The following RAD51B variants were observed in gnomAD, a reference collection of about 807,000 sequenced individuals.
RAD51B encodes the protein DNA repair protein RAD51 homolog 2.
RAD51B carries 38 observed loss-of-function variants against 42.2 expected under a neutral mutation model. The ratio of observed to expected loss-of-function variants is 0.90; its 90% CI spans 0.70 to 1.18. The LOEUF (loss-of-function observed/expected upper bound fraction) is 1.18, where lower values mean the gene tolerates loss of function less well. RAD51B is among the 50% of genes most tolerant of loss of function. The pLI, the probability that RAD51B is intolerant of heterozygous loss-of-function variation, is 0.00. For synonymous variants in RAD51B, 154 were observed against 145.2 expected, an observed-to-expected ratio of 1.06 and a Z score of -0.43; for missense variants, 373 against 400.7, an observed-to-expected ratio of 0.93 and a Z score of 0.59.
At chr14:68,182,260 T>C (rs555004375) in intron 7 of RAD51B, among the ~76,000 whole-genome samples, 1 of 152,374 alleles carries the variant, frequency 6.6e-6, no homozygotes, top group African/African-American at 2.4e-5. Flanking sequence ...TGTGATTTAC[T>C]TTTTCCAATT....
intron 4 of RAD51B, among the ~76,000 whole-genome samples, chr14:67,854,155 G>A (rs1223790147): frequency 6.6e-6 from 1 of 152,190 alleles, no homozygotes; most frequent in Admixed American, 6.5e-5. Flanking sequence ...ACCCTCCAAT[G>A]AAGTTTTTCT....
chr14:67,936,987 A>G (rs774772415), intron 7 of RAD51B, among the ~76,000 whole-genome samples: 4 of 152,108 alleles, frequency 2.6e-5, no homozygotes, highest in Non-Finnish European at 5.9e-5. Context: ...CCCTTAATAG[A>G]TATTTGATTT....
At chr14:68,676,622 C>A (rs1272012340) in intron 11 of RAD51B, among the ~76,000 whole-genome samples, 1 of 152,192 alleles carries the variant, frequency 6.6e-6, no homozygotes, top group Non-Finnish European at 1.5e-5. Flanking sequence ...TGGGGCAGAG[C>A]CAACGTTCAG....
chr14:68,332,748 G>A (rs200429343), intron 8 of RAD51B, among the ~76,000 whole-genome samples: 1 of 77,120 alleles, frequency 1.3e-5, no homozygotes, highest in African/African-American at 3.9e-5. Context: ...AGTGCAGAGA[G>A]AGAAATAAAT....
At position 67,825,546 on chromosome 14, in the gene RAD51B, T is replaced by A; in HGVS notation, c.167T>A (p.Val56Asp). Reference protein sequence around the residue: ...YRGVHELLCMVSRACAPKMQT... With the variant: ...YRGVHELLCMDSRACAPKMQT... ...GGTGTCCATGAACTTCTATGTATGG[T>A]CAGCAGGGCCTGTGCCCCAAAGATG... Residue 56 changes from valine to aspartate, a missense_variant, in exon 3 of 11, where the codon GTC (valine) becomes GAC (aspartate). Physicochemically the swap from Val to Asp is radical, Grantham distance 152. Coordinates refer to ENST00000471583, the MANE Select transcript of RAD51B (RefSeq NM_133510.4). The A allele has an allele frequency of 1.2e-6, 2 of 1,612,890 alleles. No individual in the cohort carries two copies. The highest frequency in any genetic ancestry group is 1.7e-6 in the Non-Finnish European group (2 of 1,179,148).
At chr14:68,016,570 A>C (rs1566580663) in intron 7 of RAD51B, among the ~76,000 whole-genome samples, 1 of 152,180 alleles carries the variant, frequency 6.6e-6, no homozygotes, top group Non-Finnish European at 1.5e-5. Flanking sequence ...TTTAGCTTTA[A>C]ATGATGGCTG....
At chr14:68,072,077 AAATAT>A (rs1211944406) in intron 7 of RAD51B, among the ~76,000 whole-genome samples, 53 of 120,696 alleles carry the variant, frequency 4.4e-4, no homozygotes, top group African/African-American at 1.7e-3. Context: ...ATAAATATAT[AAATAT>A]ATATAAATAT....
At chr14:68,520,483 T>C (rs1294968315) in intron 10 of RAD51B, among the ~76,000 whole-genome samples, 5 of 152,240 alleles carry the variant, frequency 3.3e-5, no homozygotes, top group African/African-American at 1.2e-4. Flanking sequence ...TTCATGATCA[T>C]GTGATCATTT....
chr14:68,042,785 T>G (rs2076238117), intron 7 of RAD51B, among the ~76,000 whole-genome samples: 1 of 152,222 alleles, frequency 6.6e-6, no homozygotes, highest in Non-Finnish European at 1.5e-5. Context: ...TTGTGCATGT[T>G]GAGGCCAAAG....
At chr14:68,208,771 C>A (rs2079645209) in intron 7 of RAD51B, among the ~76,000 whole-genome samples, 1 of 152,172 alleles carries the variant, frequency 6.6e-6, no homozygotes, top group Admixed American at 6.5e-5. Flanking sequence ...CTGCACCATA[C>A]ATTACAGCAT....
intron 7 of RAD51B, among the ~76,000 whole-genome samples, chr14:68,026,309 A>G (rs2075955955): frequency 6.6e-6 from 1 of 152,176 alleles, no homozygotes; most frequent in Non-Finnish European, 1.5e-5. Flanking sequence ...AGATGAGAAG[A>G]ATATATATTC....
At chr14:67,944,101 G>A (rs544090944) in intron 7 of RAD51B, among the ~76,000 whole-genome samples, 5 of 152,054 alleles carry the variant, frequency 3.3e-5, no homozygotes, top group Admixed American at 2.6e-4. Flanking sequence ...CAGGGGGAGT[G>A]GGGGCATGGA....
intron 7 of RAD51B, among the ~76,000 whole-genome samples, chr14:67,999,708 A>G (rs1317241698): frequency 1.3e-5 from 2 of 152,214 alleles, no homozygotes; most frequent in Non-Finnish European, 2.9e-5. Flanking sequence ...TTGGCATATC[A>G]TAGAGGTTCA....
At chr14:68,611,511 A>C in exon 11 of RAD51B, 1 of 501,612 alleles carries the variant, frequency 2.0e-6, no homozygotes, top group Non-Finnish European at 3.6e-6. Context: ...TCCTTGCAGC[A>C]TCTCTATTGT....
At chr14:68,163,704 A>G (rs1293483258) in intron 7 of RAD51B, among the ~76,000 whole-genome samples, 2 of 152,148 alleles carry the variant, frequency 1.3e-5, no homozygotes, top group Non-Finnish European at 2.9e-5. Flanking sequence ...TCATCTACTA[A>G]GGTGCCTAAT....
Position 68,076,712 on chromosome 14 carries a change from G to A in RAD51B, c.756+189508G>A, listed in dbSNP as rs114141949. Among the ~76,000 whole-genome samples, 529 of 152,248 alleles carry A rather than the reference G, an allele frequency of 3.5e-3. 5 individuals carry two copies. The highest frequency in any genetic ancestry group is 0.012 in the African/African-American group (514 of 41,534). On this transcript the variant is annotated intron_variant, in intron 7 of 10. Transcript: ENST00000471583. ...CCTTTCTTACTTGAAGAATATGTATGATATTTTACATGTATTGAAACAGCT... is the reference window on the plus strand; with the variant it reads ...CCTTTCTTACTTGAAGAATATGTATAATATTTTACATGTATTGAAACAGCT...
intron 5 of RAD51B, among the ~76,000 whole-genome samples, chr14:67,868,602 C>T (rs1339551894): frequency 1.3e-5 from 2 of 152,230 alleles, no homozygotes. Context: ...AGGAGGCCTG[C>T]CTGCCTCTGT....
chr14:68,609,934 G>A (rs749457017), intron 10 of RAD51B, among the ~76,000 whole-genome samples: 5 of 150,436 alleles, frequency 3.3e-5, no homozygotes, highest in Admixed American at 6.6e-5. Flanking sequence ...CTCCATCCCC[G>A]TGCTTTTTAC....
intron 9 of RAD51B, among the ~76,000 whole-genome samples, chr14:68,413,349 T>TGACA (rs1171332465): frequency 1.3e-5 from 2 of 152,036 alleles, no homozygotes; most frequent in Admixed American, 6.5e-5. Flanking sequence ...GATGGATCAG[T>TGACA]GACAGTTCAT....
Sources: allele counts gnomAD v4.1 joint callset (sites outside exome capture counted in the v4.1 genomes callset), GRCh38; gene constraint gnomAD v4.1.1; transcripts MANE v1.5; gene names NCBI Gene and HGNC (gene_info 2026-07-23, HGNC 2026-07-21).